ARID5B: variants seen among roughly 807,000 people sequenced by gnomAD.
ARID5B encodes AT-rich interactive domain-containing protein 5B.
A neutral mutation model predicts 97.2 loss-of-function variants in ARID5B; 13 were observed. That is an observed-to-expected ratio of 0.13 (90% CI 0.09 to 0.21). The LOEUF is 0.21. ARID5B is among the 10% of genes least tolerant of loss of function. The pLI is 1.00. For synonymous variants in ARID5B, 556 were observed against 570.3 expected, an observed-to-expected ratio of 0.97 and a Z score of 0.36; for missense variants, 1,210 against 1,465.3, an observed-to-expected ratio of 0.83 and a Z score of 2.84.
chr10:61,983,243 G>T (rs1442701317), intron 3 of ARID5B, among the ~76,000 whole-genome samples: 4 of 152,134 alleles, frequency 2.6e-5, no homozygotes, highest in Non-Finnish European at 5.9e-5. Flanking sequence ...TTAATTTTAG[G>T]AAATACAAAC....
chr10:61,963,881 C>A (rs1384499528), intron 3 of ARID5B, among the ~76,000 whole-genome samples: 1 of 151,992 alleles, frequency 6.6e-6, no homozygotes, highest in Non-Finnish European at 1.5e-5. Context: ...ACAGCCTTGG[C>A]ATCATTAGCA....
intron 4 of ARID5B, among the ~76,000 whole-genome samples, chr10:62,049,947 T>G (rs1839763737): frequency 6.6e-6 from 1 of 152,222 alleles, no homozygotes; most frequent in South Asian, 2.1e-4. Flanking sequence ...TTGGAGTCAT[T>G]CTAGGGGTGG....
chr10:61,998,927 C>T (rs181970370), intron 3 of ARID5B, among the ~76,000 whole-genome samples: 104 of 152,268 alleles, frequency 6.8e-4, no homozygotes, highest in African/African-American at 2.4e-3. Flanking sequence ...TTGGATCAAC[C>T]AGGGGTTCTG....
At chr10:61,920,320 T>G (rs1843989922) in intron 2 of ARID5B, among the ~76,000 whole-genome samples, 1 of 142,250 alleles carries the variant, frequency 7.0e-6, no homozygotes, top group Admixed American at 7.2e-5. Flanking sequence ...CTTTAAAAGA[T>G]GAATCTTTGT....
chr10:62,090,833 T>C, intron 9 of ARID5B, 29 bp from the exon 10 acceptor site: 1 of 1,533,072 alleles, frequency 6.5e-7, no homozygotes. Context: ...TTGGTTTTCT[T>C]CTGACTGTCT....
At chr10:61,915,230 G>T (rs117226938) in intron 2 of ARID5B, among the ~76,000 whole-genome samples, 1 of 152,168 alleles carries the variant, frequency 6.6e-6, no homozygotes, top group East Asian at 1.9e-4. Context: ...CCAGCACTGC[G>T]CACTGGAGAG....
intron 2 of ARID5B, among the ~76,000 whole-genome samples, chr10:61,931,514 CA>C (rs1844209392): frequency 6.6e-6 from 1 of 152,084 alleles, no homozygotes; most frequent in Non-Finnish European, 1.5e-5. Flanking sequence ...TGGACTTAAT[CA>C]AAATATAAAA....
At chr10:61,982,092 G>T (rs764457874) in intron 3 of ARID5B, among the ~76,000 whole-genome samples, 2 of 152,154 alleles carry the variant, frequency 1.3e-5, no homozygotes, top group Non-Finnish European at 1.5e-5. Context: ...CCACGTGTTG[G>T]AAGAAGCAGT....
intron 4 of ARID5B, among the ~76,000 whole-genome samples, chr10:62,032,182 G>A (rs748244390): frequency 2.6e-5 from 4 of 152,106 alleles, no homozygotes; most frequent in Admixed American, 6.6e-5. Context: ...AGTCAGGTGT[G>A]GTGGCACACA....
At chr10:61,994,711 C>T (rs555220019) in intron 3 of ARID5B, among the ~76,000 whole-genome samples, 4 of 152,140 alleles carry the variant, frequency 2.6e-5, no homozygotes, top group Admixed American at 2.6e-4. Flanking sequence ...ATTACAGTTT[C>T]GCTATGGAAT....
rs778821864 is a variant in ARID5B, at chr10:62,086,709, A to AAAAAAAAAAAAAAC, written c.1398+812_1398+813insAAAAAAAAAACAAA. Among the ~76,000 whole-genome samples, 10 of 114,036 alleles carry AAAAAAAAAAAAAAC rather than the reference A, an allele frequency of 8.8e-5. 1 individual carries two copies. Among genetic ancestry groups the AAAAAAAAAAAAAAC allele is most frequent in the African/African-American group, 1.9e-4 (6 of 31,242 alleles). The allele number at this position is 114,036 out of a possible 152,430, so 74.8% of individuals were successfully genotyped here. A position where few individuals can be genotyped will look rare whatever the true frequency, so the allele number is the denominator to read the frequency against. ...CCATCTCAAAAAAAAAAAAAAAAAA[A>AAAAAAAAAAAAAAC]AAATATCAGGCATGGTGGTGCCCCG... On this transcript the variant is annotated intron_variant, in intron 9 of 9. Coordinates refer to ENST00000279873, the MANE Select transcript of ARID5B (RefSeq NM_032199.3).
chr10:62,060,650 A>C (rs1189927555), intron 7 of ARID5B, among the ~76,000 whole-genome samples: 2 of 152,198 alleles, frequency 1.3e-5, no homozygotes, highest in Non-Finnish European at 2.9e-5. Flanking sequence ...TTCATGTAAA[A>C]AAAAATGGTA....
intron 4 of ARID5B, among the ~76,000 whole-genome samples, chr10:62,048,193 T>G (rs909971475): frequency 3.3e-5 from 5 of 152,226 alleles, no homozygotes; most frequent in African/African-American, 4.8e-5. Context: ...GAAAGAACAG[T>G]ATGTGGGCAT....
intron 2 of ARID5B, among the ~76,000 whole-genome samples, chr10:61,925,146 A>G (rs1304073918): frequency 6.6e-6 from 1 of 152,154 alleles, no homozygotes; most frequent in Non-Finnish European, 1.5e-5. Flanking sequence ...CAGAGGTTGT[A>G]GTGAGCAGAG....
At chr10:61,967,774 C>G (rs1749167967) in intron 3 of ARID5B, among the ~76,000 whole-genome samples, 1 of 152,056 alleles carries the variant, frequency 6.6e-6, no homozygotes, top group Non-Finnish European at 1.5e-5. Flanking sequence ...TATGTGTGTG[C>G]CATTTACAAC....
chr10:62,076,352 C>A (rs28450488), intron 8 of ARID5B, among the ~76,000 whole-genome samples: 4,725 of 152,084 alleles, frequency 0.031, 245 homozygotes, highest in African/African-American at 0.11. Flanking sequence ...ACCAGCCTGG[C>A]CAACATGGTA....
chr10:61,999,895 C>A (rs1000918947), intron 3 of ARID5B, among the ~76,000 whole-genome samples, 196 bp from the exon 4 acceptor site: 1 of 152,028 alleles, frequency 6.6e-6, no homozygotes, highest in Non-Finnish European at 1.5e-5. Context: ...GTCCACTGTG[C>A]GGGTAGCCTG....
intron 3 of ARID5B, among the ~76,000 whole-genome samples, chr10:61,984,678 T>A (rs1838822655): frequency 6.6e-6 from 1 of 152,212 alleles, no homozygotes. Context: ...ATCACTACCA[T>A]GCATGAGCGC....
intron 2 of ARID5B, among the ~76,000 whole-genome samples, chr10:61,921,446 T>C (rs1844013595): frequency 6.6e-6 from 1 of 152,224 alleles, no homozygotes; most frequent in South Asian, 2.1e-4. Flanking sequence ...TCAGTTCCTC[T>C]CAGGCAGTGG....
Sources: allele counts gnomAD v4.1 joint callset (sites outside exome capture counted in the v4.1 genomes callset), GRCh38; gene constraint gnomAD v4.1.1; transcripts MANE v1.5; gene names NCBI Gene and HGNC (gene_info 2026-07-23, HGNC 2026-07-21).